DLG4: variants seen among roughly 807,000 people sequenced by gnomAD.
The protein encoded by DLG4 is disks large homolog 4.
Under a neutral mutation model 93.8 loss-of-function variants are expected in DLG4, and 7 were observed. The observed-to-expected ratio is 0.07, with a 90% CI of 0.04 to 0.14. The LOEUF is 0.14. DLG4 is among the 10% of genes least tolerant of loss of function. The pLI is 1.00. For synonymous variants in DLG4, 341 were observed against 387.6 expected (o/e 0.88, Z 1.41); for missense variants, 545 against 992.9 (o/e 0.55, Z 6.06).
intron 2 of DLG4, among the ~76,000 whole-genome samples, chr17:7,204,671 C>T (rs2070361905): frequency 6.6e-6 from 1 of 152,006 alleles, no homozygotes; most frequent in South Asian, 2.1e-4. Context: ...ACATGGACAC[C>T]CCAGGGATCA....
Position 7,208,122 on chromosome 17 carries a change from C to G in DLG4, c.96+52G>C, listed in dbSNP as rs757481703. 3 of 1,320,174 alleles carry G rather than the reference C, an allele frequency of 2.3e-6. No homozygotes were observed. Among genetic ancestry groups the G allele is most frequent in the East Asian group, 2.8e-5 (1 of 35,718 alleles). The allele number at this position is 1,320,174 out of a possible 1,614,324, so 81.8% of individuals were successfully genotyped here. A position where few individuals can be genotyped will look rare whatever the true frequency, so the allele number is the denominator to read the frequency against. ...TGGCCCACGACCCCGTGGCCAGCCT[C>G]GAGGTGGGACAAGTTCCTCTCCGCC... On this transcript the variant is annotated intron_variant, in intron 2 of 19. Coordinates refer to ENST00000399506, the MANE Select transcript of DLG4 (RefSeq NM_001321075.3). The surrounding 1 kb of genome is among the most constrained non-coding windows in gnomAD (Gnocchi z 5.4).
At chr17:7,219,435 G>C (rs1048102100), upstream of DLG4, 27 of 1,017,638 alleles carry the variant, frequency 2.7e-5, no homozygotes, top group African/African-American at 3.5e-4. Context: ...CCAAGAGTTA[G>C]TGAATGGCCT....
chr17:7,204,126 C>G lies in DLG4; in HGVS notation c.151-59G>C, dbSNP rs1164379846. The G allele has an allele frequency of 6.9e-6, 11 of 1,598,866 alleles. No homozygotes were observed. In the East Asian group the frequency reaches 2.3e-4, roughly 33 times the overall value. ...AGACATTCCTGTCTGACCACCTGCC[C>G]GTCATCTGCTGCCCTCCCTTACTCC... On this transcript the variant is annotated intron_variant, in intron 3 of 19. Transcript: ENST00000399506.
Position 7,212,152 on chromosome 17 carries a change from C to T in DLG4, c.31-3913G>A, listed in dbSNP as rs886946579. On this transcript the variant is annotated intron_variant, in intron 1 of 19. Coordinates refer to ENST00000399506, the MANE Select transcript of DLG4 (RefSeq NM_001321075.3). ...CCAGAGTCCAGGGAAACAAACAGCA[C>T]TTCTCTCACAAGAACCCCCAAGGGA... Among the ~76,000 whole-genome samples, 15 of 138,950 alleles carry T rather than the reference C, an allele frequency of 1.1e-4. No individual in the cohort carries two copies. In the South Asian group the frequency reaches 1.1e-3, roughly 11 times the overall value. 91.2% of individuals were successfully genotyped at this position (138,950 alleles called of 152,430 possible).
Position 7,190,778 on chromosome 17 carries a change from T to C in DLG4, c.2105A>G (p.His702Arg). 6.2e-7 allele frequency: 1 copy of C among 1,613,192 alleles called. No homozygotes were observed. The highest frequency in any genetic ancestry group is 8.5e-7 in the Non-Finnish European group (1 of 1,179,594). Reference protein sequence around the residue: ...VEGDSFEEIYHKVKRVIEDLS... With the variant: ...VEGDSFEEIYRKVKRVIEDLS... ...GTCCTCGATGACACGCTTCACCTTG[T>C]GGTAGATCTCCTCAAAGCTGTCACC... Residue 702 changes from histidine to arginine, a missense_variant, in exon 20 of 20, where the codon CAC becomes CGC. This residue lies in a region of DLG4 where 428 missense variants were observed against 741.4 expected (regional missense o/e 0.58). Transcript: ENST00000399506.
Position 7,196,109 on chromosome 17 carries a change from G to T in DLG4, c.1301+111C>A. 3 of 743,198 alleles carry T rather than the reference G, an allele frequency of 4.0e-6. No individual in the cohort carries two copies. The highest frequency in any genetic ancestry group is 3.5e-5 in the South Asian group (2 of 56,946). The allele number at this position is 743,198 out of a possible 1,614,324, so 46.0% of individuals were successfully genotyped here. A position where few individuals can be genotyped will look rare whatever the true frequency, so the allele number is the denominator to read the frequency against. ...CCTGGCTGCGCCTCAGGCCTGGGGT[G>T]GGGAGCTAGAGCAGGCAGGGTGGAG... On this transcript the variant is annotated intron_variant, in intron 11 of 19. Transcript: ENST00000399506. The surrounding 1 kb of genome is among the most constrained non-coding windows in gnomAD (Gnocchi z 8.3).
At position 7,203,232 on chromosome 17, in the gene DLG4, G is replaced by A. The variant is rs374100987; in HGVS notation, c.603C>T (p.His201=). The part of the protein sequence containing the change: ...VTKIIEGGAA[H]KDGRLQIGDK... ...CTCCAATCTGCAACCTCCCATCCTTGTGGGCAGCACCCCCTTCGATGATCT... is the reference window on the plus strand; with the variant it reads ...CTCCAATCTGCAACCTCCCATCCTTATGGGCAGCACCCCCTTCGATGATCT... The change falls in exon 7 of 20, where the codon CAC becomes CAT. Residue 201 remains histidine, a synonymous_variant. Coordinates refer to ENST00000399506, the MANE Select transcript of DLG4 (RefSeq NM_001321075.3). The surrounding 1 kb of genome is among the most constrained non-coding windows in gnomAD (Gnocchi z 7.2). 25 of 1,609,554 alleles carry A rather than the reference G, an allele frequency of 1.6e-5. No homozygotes were observed. Among genetic ancestry groups the A allele is most frequent in the Non-Finnish European group, 2.1e-5 (25 of 1,176,370 alleles).
intron 2 of DLG4, among the ~76,000 whole-genome samples, chr17:7,204,607 G>A (rs1187428871): frequency 6.6e-6 from 1 of 151,942 alleles, no homozygotes; most frequent in Non-Finnish European, 1.5e-5. Flanking sequence ...CTTGGGGGAA[G>A]GGAGCTTCTC....
chr17:7,214,812 T>C lies in DLG4; in HGVS notation c.30+2306A>G, dbSNP rs374847861. Among the ~76,000 whole-genome samples the C allele has an allele frequency of 5.0e-4, 76 of 152,288 alleles. No individual in the cohort carries two copies. In the South Asian group the frequency reaches 0.016, roughly 32 times the overall value. On this transcript the variant is annotated intron_variant, in intron 1 of 19. Coordinates refer to ENST00000399506, the MANE Select transcript of DLG4 (RefSeq NM_001321075.3). ...CAGAGACGAGAGATTCTGGCAGAGA[T>C]AAAGGCACCAAGAAAGACAAAGTGA...
intron 1 of DLG4, chr17:7,211,633 C>G: frequency 1.0e-6 from 1 of 972,558 alleles, no homozygotes; most frequent in South Asian, 4.8e-5. Flanking sequence ...GGGGAGCGGG[C>G]CGGAGCCCAT....
chr17:7,197,027 C>G lies in DLG4; in HGVS notation c.813G>C (p.Glu271Asp). 6.2e-7 allele frequency: 1 copy of G among 1,612,424 alleles called. No homozygotes were observed. Among genetic ancestry groups the G allele is most frequent in the South Asian group, 1.1e-5 (1 of 90,908 alleles). ...TGCCCAGGTAGCTGCTGTGACTGAT[C>G]TCATTGTCCAGGTGCTGGGAATAAG... Reference protein sequence around the residue: ...TTSYSQHLDNEISHSSYLGTD... With the variant: ...TTSYSQHLDNDISHSSYLGTD... Residue 271 changes from glutamate (E) to aspartate (D), a missense_variant, in exon 9 of 20, where the codon GAG becomes GAC. Glu to Asp is a conservative substitution (Grantham distance 45). Transcript: ENST00000399506.
chr17:7,191,626 C>G lies in DLG4; in HGVS notation c.1976+267G>C. 1.7e-6 allele frequency: 1 copy of G among 594,086 alleles called. No homozygotes were observed. The highest frequency in any genetic ancestry group is 3.0e-6 in the Non-Finnish European group (1 of 332,786). The allele number at this position is 594,086 out of a possible 1,614,324, so 36.8% of individuals were successfully genotyped here. A position where few individuals can be genotyped will look rare whatever the true frequency, so the allele number is the denominator to read the frequency against. ...CAGCCCCAGAGATGGGATTCGGACTCCAATTCCCAACAGCCCTAGAGGCCC... is the reference window on the plus strand; with the variant it reads ...CAGCCCCAGAGATGGGATTCGGACTGCAATTCCCAACAGCCCTAGAGGCCC... On this transcript the variant is annotated intron_variant, in intron 18 of 19. Coordinates refer to ENST00000399506, the MANE Select transcript of DLG4 (RefSeq NM_001321075.3). The surrounding 1 kb of genome is among the most constrained non-coding windows in gnomAD (Gnocchi z 6.6).
At chr17:7,217,921 T>C, upstream of DLG4, 1 of 1,167,088 alleles carries the variant, frequency 8.6e-7, no homozygotes. Flanking sequence ...CGGTAGGGGG[T>C]CGGGTGTGAG....
chr17:7,198,482 CAA>C (rs35353536), intron 8 of DLG4, among the ~76,000 whole-genome samples: 12 of 117,034 alleles, frequency 1.0e-4, no homozygotes, highest in Admixed American at 1.8e-4. Context: ...GACTCCCTCT[CAA>C]AAAAAAAAAA....
At chr17:7,212,791 T>C (rs1295826983) in intron 1 of DLG4, among the ~76,000 whole-genome samples, 2 of 152,108 alleles carry the variant, frequency 1.3e-5, no homozygotes, top group African/African-American at 2.4e-5. Context: ...TCCCAGCACT[T>C]TGGGAGGCCG....
Position 7,217,556 on chromosome 17 carries a change from TGGGGTGGG to T in DLG4, c.-417_-410del. On this transcript the variant is annotated 5_prime_UTR_variant, in exon 1 of 20. Transcript: ENST00000399506. ...GGGGCTAGGGGCCGTGGCGGGGGAG[TGGGGTGGG>T]GGGGTTGGAAACGGCAGCGGCCGAG... 2 of 95,670 alleles carry T rather than the reference TGGGGTGGG, an allele frequency of 2.1e-5. No homozygotes were observed. Among genetic ancestry groups the T allele is most frequent in the Non-Finnish European group, 2.4e-5 (2 of 83,548 alleles). The allele number at this position is 95,670 out of a possible 1,614,324, so 5.9% of individuals were successfully genotyped here.
chr17:7,217,688 G>A, upstream of DLG4: 1 of 1,525,884 alleles, frequency 6.6e-7, no homozygotes, highest in African/African-American at 1.4e-5. Flanking sequence ...GGGTGCCTTG[G>A]CAGAGTTAAC....
intron 8 of DLG4, among the ~76,000 whole-genome samples, chr17:7,200,378 T>G (rs983080832): frequency 6.6e-6 from 1 of 152,222 alleles, no homozygotes; most frequent in Non-Finnish European, 1.5e-5. Flanking sequence ...CAGTAAAGTT[T>G]TGTCATTTTC....
Position 7,188,330 on chromosome 17 carries a change from T to C in DLG4, c.*2378A>G, listed in dbSNP as rs2069350000. On this transcript the variant is annotated 3_prime_UTR_variant, in exon 20 of 20. Coordinates refer to ENST00000399506, the MANE Select transcript of DLG4 (RefSeq NM_001321075.3). ...CATCCACAGAATCACTACCCCTGGG[T>C]TGGTCTTTTGCATGAAACTCTCAAC... Among the ~76,000 whole-genome samples, 1 of 152,136 alleles carries C rather than the reference T, an allele frequency of 6.6e-6. No homozygotes were observed. The highest frequency in any genetic ancestry group is 1.9e-4 in the East Asian group (1 of 5,196).
Sources: allele counts gnomAD v4.1 joint callset (sites outside exome capture counted in the v4.1 genomes callset), GRCh38; gene constraint gnomAD v4.1.1; regional missense constraint gnomAD v4.1.1; non-coding constraint Gnocchi (gnomAD v3.1); transcripts MANE v1.5; gene names NCBI Gene and HGNC (gene_info 2026-07-23, HGNC 2026-07-21).